Variants in HTT observed in about 807,000 individuals in gnomAD.
HTT encodes the protein huntingtin.
In HTT, 104 loss-of-function variants were observed where a neutral mutation model predicts 362.3. The ratio of observed to expected loss-of-function variants is 0.29; its 90% CI spans 0.24 to 0.34. The LOEUF (loss-of-function observed/expected upper bound fraction) is 0.34. Among genes scored for constraint, HTT ranks in the 10% least tolerant of loss-of-function variants. HTT has a pLI of 1.00. For synonymous variants in HTT, 1,577 were observed against 1,548.7 expected, an observed-to-expected ratio of 1.02 and a Z score of -0.43; for missense variants, 3,301 against 3,928.6, an observed-to-expected ratio of 0.84 and a Z score of 4.27.
At chr4:3,214,629 C>T (rs362329) in intron 50 of HTT, among the ~76,000 whole-genome samples, 2 of 152,044 alleles carry the variant, frequency 1.3e-5, no homozygotes, top group South Asian at 2.1e-4. Context: ...AAAAATTGGA[C>T]GTCATAGTTT....
chr4:3,219,062 G>A (rs1182348791), intron 52 of HTT, among the ~76,000 whole-genome samples: 6 of 152,178 alleles, frequency 3.9e-5, no homozygotes, highest in African/African-American at 1.4e-4. Flanking sequence ...TCCAGATGGC[G>A]GGCTTATTCC....
chr4:3,135,608 C>A (rs1191560317), intron 19 of HTT, among the ~76,000 whole-genome samples: 1 of 152,152 alleles, frequency 6.6e-6, no homozygotes, highest in Non-Finnish European at 1.5e-5. Flanking sequence ...GAGGGCCCAG[C>A]TCACCCCTTC....
At chr4:3,239,260 G>A (rs754023187) in intron 66 of HTT, among the ~76,000 whole-genome samples, 28 of 152,310 alleles carry the variant, frequency 1.8e-4, no homozygotes, top group Non-Finnish European at 2.2e-4. Flanking sequence ...GAGGGTGGGC[G>A]GTGGTCTCTG....
chr4:3,238,310 C>T, intron 64 of HTT, 137 bp from the exon 65 acceptor site: 2 of 595,324 alleles, frequency 3.4e-6, no homozygotes, highest in South Asian at 5.6e-5. Flanking sequence ...CTTGGAAAGT[C>T]CCTCACGGCC....
At chr4:3,198,764 T>G (rs912166315) in intron 40 of HTT, among the ~76,000 whole-genome samples, 34 of 152,342 alleles carry the variant, frequency 2.2e-4, no homozygotes, top group African/African-American at 7.9e-4. Context: ...TGGAGAAATT[T>G]GCCGGTAGAA....
At chr4:3,177,545 A>C (rs1718295502) in intron 34 of HTT, among the ~76,000 whole-genome samples, 158 bp downstream of exon 34, 1 of 152,244 alleles carries the variant, frequency 6.6e-6, no homozygotes, top group East Asian at 1.9e-4. Context: ...CTTCTCTTAA[A>C]AATTAATGTA....
Position 3,206,769 on chromosome 4 carries a change from A to G in HTT, c.5899-38A>G, listed in dbSNP as rs768671357. On this transcript the variant is annotated intron_variant, in intron 43 of 66. Coordinates refer to ENST00000355072, the MANE Select transcript of HTT (RefSeq NM_001388492.1). The surrounding 1 kb of genome is among the most constrained non-coding windows in gnomAD (Gnocchi z 4.6). ...TTTTAACTTTAATTTCTGATTTGCAAAATAGTCATCTTTTGTTCTTTTCCT... is the reference window on the plus strand; with the variant it reads ...TTTTAACTTTAATTTCTGATTTGCAGAATAGTCATCTTTTGTTCTTTTCCT... 227 of 1,591,560 alleles carry G rather than the reference A, an allele frequency of 1.4e-4. No individual in the cohort carries two copies. Among genetic ancestry groups the G allele is most frequent in the Non-Finnish European group, 1.9e-4 (216 of 1,166,878 alleles).
intron 9 of HTT, among the ~76,000 whole-genome samples, chr4:3,122,046 C>T (rs926156117): frequency 1.1e-4 from 16 of 152,176 alleles, no homozygotes; most frequent in Non-Finnish European, 4.4e-5. Context: ...TGTTAATTTG[C>T]CAGAAATGGC....
intron 52 of HTT, among the ~76,000 whole-genome samples, chr4:3,219,309 C>T (rs538094506): frequency 6.6e-6 from 1 of 152,250 alleles, no homozygotes; most frequent in South Asian, 2.1e-4. Context: ...AGGGCACGGT[C>T]TTGAGGTCAT....
intron 5 of HTT, among the ~76,000 whole-genome samples, chr4:3,106,918 C>T (rs772982263): frequency 2.4e-4 from 37 of 152,178 alleles, no homozygotes; most frequent in Non-Finnish European, 4.7e-4. Context: ...CCCCACAACC[C>T]CATTTTATAA....
intron 40 of HTT, among the ~76,000 whole-genome samples, chr4:3,194,405 T>G (rs1306827715): frequency 1.3e-5 from 2 of 152,202 alleles, no homozygotes; most frequent in Non-Finnish European, 1.5e-5. Context: ...ATCCCTCTCT[T>G]TTGGTCCAAG....
At position 3,146,939 on chromosome 4, in the gene HTT, T is replaced by C. The variant is rs1288489520; in HGVS notation, c.3286T>C (p.Leu1096=). Residue 1096 remains leucine, a synonymous_variant, in exon 25 of 67, where the codon TTG becomes CTG. Coordinates refer to ENST00000355072, the MANE Select transcript of HTT (RefSeq NM_001388492.1). ...HQDALILAGN[L]LAASAPKSLR... ...AGATGCTTTGATTTTGGCCGGAAAC[T>C]TGCTTGCAGGTACTGGTACTGAGTT... The C allele has an allele frequency of 1.2e-6, 2 of 1,614,046 alleles. No individual in the cohort carries two copies. The highest frequency in any genetic ancestry group is 1.7e-6 in the Non-Finnish European group (2 of 1,180,028).
In HTT at chr4:3,153,319, T is replaced by TG. The variant is rs1453628750; in HGVS notation, c.3499-969dup. Reference sequence around the variant, plus strand: ...GTAATTAAGTTTCAGTGTATAAATTTGGGGGACTATAGACATTGAAACCAT... The same window carrying TG: ...GTAATTAAGTTTCAGTGTATAAATTTGGGGGGACTATAGACATTGAAACCAT... On this transcript the variant is annotated intron_variant, in intron 26 of 66. Coordinates refer to ENST00000355072, the MANE Select transcript of HTT (RefSeq NM_001388492.1). 2.2e-4 allele frequency among the ~76,000 whole-genome samples: 34 copies of TG among 152,058 alleles called. 1 individual carries two copies. Among genetic ancestry groups the TG allele is most frequent in the Admixed American group, 2.2e-3 (34 of 15,274 alleles).
chr4:3,140,501 T>C lies in HTT; in HGVS notation c.2799-9T>C. ...TTTCTTAAGCAAATTAACCTTACTT[T>C]TGTGTTAGGCTTGTCCCAAAGCTGT... On this transcript the variant is annotated splice_polypyrimidine_tract_variant and intron_variant, in intron 21 of 66. Transcript: ENST00000355072. The C allele has an allele frequency of 6.2e-7, 1 of 1,613,606 alleles. No homozygotes were observed. Among genetic ancestry groups the C allele is most frequent in the Non-Finnish European group, 8.5e-7 (1 of 1,179,738 alleles).
chr4:3,182,329 T>C (rs1718564006), intron 36 of HTT, 25 bp from the exon 37 acceptor site: 2 of 1,500,848 alleles, frequency 1.3e-6, no homozygotes, highest in Non-Finnish European at 1.9e-6. Context: ...GGCAGCAGAC[T>C]TTCTAATTGT....
intron 23 of HTT, among the ~76,000 whole-genome samples, chr4:3,144,568 G>A (rs765295118): frequency 1.3e-5 from 2 of 152,114 alleles, no homozygotes; most frequent in Non-Finnish European, 2.9e-5. Context: ...CACCCACCTC[G>A]GCCTCCCAAA....
At chr4:3,217,710 T>G (rs1317475719) in intron 51 of HTT, 55 bp from the exon 52 acceptor site, 1 of 1,443,096 alleles carries the variant, frequency 6.9e-7, no homozygotes, top group African/African-American at 1.4e-5. Flanking sequence ...CTTTCTACAC[T>G]GGGCATATAG....
intron 26 of HTT, among the ~76,000 whole-genome samples, chr4:3,149,392 G>A (rs994094648): frequency 1.3e-5 from 2 of 151,208 alleles, no homozygotes; most frequent in African/African-American, 4.9e-5. Flanking sequence ...CTGCCTCCTG[G>A]GTTCAAACGA....
chr4:3,180,653 T>TA lies in HTT; in HGVS notation c.4749+4dup. ...CTGAGACTCATCCAGTACCATCAGG[T>TA]AAGAGGAATGTATGTTGGAACTGTC... On this transcript the variant is annotated splice_region_variant and intron_variant, in intron 36 of 66. Transcript: ENST00000355072. 1.2e-6 allele frequency: 2 copies of TA among 1,610,914 alleles called. No individual in the cohort carries two copies. Among genetic ancestry groups the TA allele is most frequent in the Non-Finnish European group, 1.7e-6 (2 of 1,178,678 alleles).
Sources: allele counts gnomAD v4.1 joint callset (sites outside exome capture counted in the v4.1 genomes callset), GRCh38; gene constraint gnomAD v4.1.1; non-coding constraint Gnocchi (gnomAD v3.1); transcripts MANE v1.5; gene names NCBI Gene and HGNC (gene_info 2026-07-23, HGNC 2026-07-21).